Variants in ABCC4 observed in about 807,000 individuals in gnomAD.
The protein encoded by ABCC4 is ATP-binding cassette sub-family C member 4.
In ABCC4, 102 loss-of-function variants were observed where a neutral mutation model predicts 168.5. The observed-to-expected ratio is 0.61, with a 90% CI of 0.52 to 0.71. ABCC4 has a LOEUF of 0.71. ABCC4 is among the 30% of genes least tolerant of loss of function. ABCC4 has a pLI of 0.00. For synonymous variants in ABCC4, 617 were observed against 590.7 expected, an observed-to-expected ratio of 1.04 and a Z score of -0.65; for missense variants, 1,402 against 1,605.8, an observed-to-expected ratio of 0.87 and a Z score of 2.17.
At chr13:95,135,010 A>G (rs2036098800) in intron 19 of ABCC4, among the ~76,000 whole-genome samples, 1 of 152,190 alleles carries the variant, frequency 6.6e-6, no homozygotes, top group African/African-American at 2.4e-5. Flanking sequence ...ACAGCAAGTG[A>G]CATCTGTTTT....
At chr13:95,119,620 G>A (rs2035494895) in intron 19 of ABCC4, among the ~76,000 whole-genome samples, 1 of 152,066 alleles carries the variant, frequency 6.6e-6, no homozygotes. Context: ...TGAAGTTAAA[G>A]TCACCTCCGG....
chr13:95,115,818 C>A, intron 20 of ABCC4, 104 bp downstream of exon 20: 1 of 876,902 alleles, frequency 1.1e-6, no homozygotes, highest in South Asian at 1.6e-5. Flanking sequence ...TAACATTACA[C>A]ACAGCCAGGC....
At chr13:95,143,757 G>C (rs1001261123) in intron 19 of ABCC4, among the ~76,000 whole-genome samples, 4 of 151,932 alleles carry the variant, frequency 2.6e-5, no homozygotes, top group Non-Finnish European at 4.4e-5. Flanking sequence ...ATAAAAACTT[G>C]ATTTAGAAAG....
chr13:95,197,058 C>G (rs2038476948), intron 8 of ABCC4, among the ~76,000 whole-genome samples: 1 of 152,164 alleles, frequency 6.6e-6, no homozygotes, highest in African/African-American at 2.4e-5. Context: ...CTGCTGGGAA[C>G]CAGCTCAGGG....
chr13:95,252,297 A>G (rs1266723069), intron 1 of ABCC4, among the ~76,000 whole-genome samples: 1 of 152,212 alleles, frequency 6.6e-6, no homozygotes, highest in African/African-American at 2.4e-5. Flanking sequence ...AATGGTGAAG[A>G]GTATATTGTT....
intron 1 of ABCC4, among the ~76,000 whole-genome samples, chr13:95,257,684 GA>G (rs1251484463): frequency 6.0e-5 from 9 of 149,528 alleles, no homozygotes; most frequent in African/African-American, 7.4e-5. Context: ...GAAAGAAAAA[GA>G]AAAAAAAAGA....
At chr13:95,100,656 G>A (rs1196238192) in intron 20 of ABCC4, among the ~76,000 whole-genome samples, 1 of 152,072 alleles carries the variant, frequency 6.6e-6, no homozygotes, top group African/African-American at 2.4e-5. Context: ...TTATCTCTAG[G>A]GCTGGCATTT....
chr13:95,067,934 T>C (rs12853814), intron 25 of ABCC4, among the ~76,000 whole-genome samples: 14,923 of 152,250 alleles, frequency 0.098, 982 homozygotes, highest in Admixed American at 0.17. Context: ...CAGCCAGTGT[T>C]TGGAATCTAA....
At chr13:95,032,155 C>T (rs373223021) in intron 30 of ABCC4, among the ~76,000 whole-genome samples, 4 of 152,200 alleles carry the variant, frequency 2.6e-5, no homozygotes, top group African/African-American at 9.7e-5. Flanking sequence ...TTTATTCATA[C>T]ACAATGTGAT....
chr13:95,111,654 T>C (rs891838305), intron 20 of ABCC4, among the ~76,000 whole-genome samples: 1 of 152,144 alleles, frequency 6.6e-6, no homozygotes, highest in South Asian at 2.1e-4. Flanking sequence ...ACTGTTCCCA[T>C]CTGCAATGAG....
intron 29 of ABCC4, among the ~76,000 whole-genome samples, chr13:95,038,202 T>C (rs1348754573): frequency 1.3e-5 from 2 of 151,876 alleles, no homozygotes; most frequent in East Asian, 3.9e-4. Context: ...AATGAGCAAG[T>C]GACACTCTGC....
intron 25 of ABCC4, among the ~76,000 whole-genome samples, chr13:95,067,244 G>C (rs995630093): frequency 6.6e-6 from 1 of 152,144 alleles, no homozygotes; most frequent in Non-Finnish European, 1.5e-5. Flanking sequence ...AGAGATGACC[G>C]GAAAGGTGCA....
intron 9 of ABCC4, among the ~76,000 whole-genome samples, chr13:95,192,481 C>T (rs7319330): frequency 0.33 from 49,596 of 152,024 alleles, 8,255 homozygotes; most frequent in African/African-American, 0.39. Context: ...TTTACAATAT[C>T]GCAGGGTTTG....
intron 27 of ABCC4, 92 bp from the exon 28 acceptor site, chr13:95,044,530 T>G: frequency 8.7e-7 from 1 of 1,145,836 alleles, no homozygotes; most frequent in East Asian, 2.6e-5. Context: ...AAGTCCCTTC[T>G]CTCGAGAGAT....
chr13:95,119,442 G>A (rs775615268), intron 19 of ABCC4, among the ~76,000 whole-genome samples: 1 of 152,206 alleles, frequency 6.6e-6, no homozygotes, highest in Non-Finnish European at 1.5e-5. Flanking sequence ...CTGAGAGAGA[G>A]AGAGAGAGAA....
intron 1 of ABCC4, among the ~76,000 whole-genome samples, chr13:95,279,318 A>T (rs1269705926): frequency 6.6e-6 from 1 of 152,204 alleles, no homozygotes; most frequent in Non-Finnish European, 1.5e-5. Flanking sequence ...TCAATCAGGC[A>T]GCCCAGCCTC....
intron 19 of ABCC4, 115 bp downstream of exon 19, chr13:95,161,074 T>G: frequency 4.7e-5 from 24 of 506,728 alleles, no homozygotes; most frequent in Non-Finnish European, 6.1e-5. Context: ...TGAATCAACA[T>G]GCATAGTGAT....
chr13:95,060,595 G>A (rs1415032468), intron 26 of ABCC4, among the ~76,000 whole-genome samples: 1 of 152,138 alleles, frequency 6.6e-6, no homozygotes, highest in African/African-American at 2.4e-5. Context: ...TAAAACTTGA[G>A]AATTTATACT....
intron 4 of ABCC4, among the ~76,000 whole-genome samples, chr13:95,233,786 G>C (rs1486157519): frequency 6.6e-6 from 1 of 151,984 alleles, no homozygotes; most frequent in South Asian, 2.1e-4. Context: ...ATCCTCAAGA[G>C]GTCCTGTAAC....
Sources: allele counts gnomAD v4.1 joint callset (sites outside exome capture counted in the v4.1 genomes callset), GRCh38; gene constraint gnomAD v4.1.1; transcripts MANE v1.5; gene names NCBI Gene and HGNC (gene_info 2026-07-23, HGNC 2026-07-21).